The following PPP3CC variants were observed in gnomAD, a reference collection of about 807,000 sequenced individuals.
The protein encoded by PPP3CC is serine/threonine-protein phosphatase 2B catalytic subunit gamma isoform.
Under a neutral mutation model 60.3 loss-of-function variants are expected in PPP3CC, and 35 were observed. The observed-to-expected ratio is 0.58, with a 90% CI of 0.44 to 0.77. The LOEUF (loss-of-function observed/expected upper bound fraction) is 0.77, where lower values mean the gene tolerates loss of function less well. Ranked by LOEUF, PPP3CC falls within the 30% of genes least tolerant of loss-of-function variation. The pLI is 0.00. For missense variants in PPP3CC, 570 were observed against 628.9 expected, an observed-to-expected ratio of 0.91 and a Z score of 1.00; for synonymous variants, 206 against 224.3, an observed-to-expected ratio of 0.92 and a Z score of 0.73.
intron 3 of PPP3CC, among the ~76,000 whole-genome samples, chr8:22,477,396 G>A (rs905728707): frequency 2.6e-5 from 4 of 151,708 alleles, no homozygotes; most frequent in African/African-American, 9.7e-5. Context: ...ATAATCACTT[G>A]AACCTGGGAG....
chr8:22,491,685 A>G (rs778748162), intron 3 of PPP3CC, among the ~76,000 whole-genome samples: 3 of 152,186 alleles, frequency 2.0e-5, no homozygotes, highest in Admixed American at 6.5e-5. Flanking sequence ...TAAAATAATG[A>G]AGTAGTATGT....
At chr8:22,476,508 A>T (rs948446070) in intron 3 of PPP3CC, among the ~76,000 whole-genome samples, 2 of 152,174 alleles carry the variant, frequency 1.3e-5, no homozygotes, top group African/African-American at 4.8e-5. Context: ...TCACTCCTAA[A>T]TGCAAGTCAG....
At chr8:22,512,472 T>G (rs2117094060) in intron 5 of PPP3CC, among the ~76,000 whole-genome samples, 1 of 152,194 alleles carries the variant, frequency 6.6e-6, no homozygotes, top group East Asian at 1.9e-4. Flanking sequence ...TAATAACTCA[T>G]ATTGAAATAC....
Position 22,522,482 on chromosome 8 carries a change from C to A in PPP3CC, c.771-9C>A, listed in dbSNP as rs372228304. On this transcript the variant is annotated splice_polypyrimidine_tract_variant and intron_variant, in intron 6 of 13. Coordinates refer to ENST00000240139, the MANE Select transcript of PPP3CC (RefSeq NM_005605.5). ...TTCTGGATTTATGTTTTCTAATTTT[C>A]TTTTCCAGTTACCCTGCAGTTTGTG... The A allele has an allele frequency of 1.3e-6, 2 of 1,589,156 alleles. No homozygotes were observed. The highest frequency in any genetic ancestry group is 8.6e-7 in the Non-Finnish European group (1 of 1,167,844).
intron 3 of PPP3CC, chr8:22,492,609 C>G: frequency 1.8e-6 from 1 of 560,978 alleles, no homozygotes; most frequent in South Asian, 1.9e-5. Flanking sequence ...CTTATCTGCT[C>G]TGAGAAGATG....
At chr8:22,511,376 G>A (rs1839082959) in intron 5 of PPP3CC, 145 bp downstream of exon 5, 4 of 852,388 alleles carry the variant, frequency 4.7e-6, no homozygotes, top group East Asian at 5.5e-5. Flanking sequence ...TGCAACCTCC[G>A]CCTCCCTGGT....
intron 3 of PPP3CC, among the ~76,000 whole-genome samples, chr8:22,496,584 G>T (rs574731797): frequency 1.9e-3 from 252 of 132,596 alleles, no homozygotes; most frequent in African/African-American, 7.0e-3. Flanking sequence ...TGCAACCTCT[G>T]CCTCCCAGGT....
intron 3 of PPP3CC, chr8:22,492,859 A>G: frequency 1.9e-6 from 2 of 1,040,986 alleles, no homozygotes; most frequent in Non-Finnish European, 3.0e-6. Flanking sequence ...ATGCCAGCAA[A>G]CTCTTTCACC....
At position 22,513,371 on chromosome 8, in the gene PPP3CC, A is replaced by G; in HGVS notation, c.709A>G (p.Asn237Asp). The G allele has an allele frequency of 6.2e-7, 1 of 1,613,984 alleles. No individual in the cohort carries two copies. The highest frequency in any genetic ancestry group is 8.5e-7 in the Non-Finnish European group (1 of 1,179,926). The stretch of plus-strand genomic sequence containing the variant: ...GTCTGATCCCTCAGAGGATTATGGC[A>G]ATGAGAAGACCTTGGAGCACTATAC... ...LWSDPSEDYG[N>D]EKTLEHYTHN... The change falls in exon 6 of 14, where the codon AAT (asparagine) becomes GAT (aspartate). Residue 237 changes from asparagine to aspartate, a missense_variant. Asn to Asp is a conservative substitution (Grantham distance 23, BLOSUM62 1). Coordinates refer to ENST00000240139, the MANE Select transcript of PPP3CC (RefSeq NM_005605.5).
At chr8:22,443,444 C>T (rs778062270) in intron 1 of PPP3CC, among the ~76,000 whole-genome samples, 3 of 151,304 alleles carry the variant, frequency 2.0e-5, no homozygotes, top group Admixed American at 6.6e-5. Flanking sequence ...TTGCTTGAAC[C>T]CGGGAGGCGG....
At chr8:22,479,430 A>G (rs927666503) in intron 3 of PPP3CC, among the ~76,000 whole-genome samples, 3 of 152,054 alleles carry the variant, frequency 2.0e-5, no homozygotes, top group African/African-American at 7.2e-5. Flanking sequence ...TTTTCCACTC[A>G]AGATTGTATG....
chr8:22,448,350 T>C (rs1462002422), intron 1 of PPP3CC, among the ~76,000 whole-genome samples: 1 of 151,648 alleles, frequency 6.6e-6, no homozygotes, highest in Non-Finnish European at 1.5e-5. Flanking sequence ...GAATATGGTG[T>C]ATATATTAGA....
intron 1 of PPP3CC, among the ~76,000 whole-genome samples, chr8:22,469,318 A>G (rs531826488): frequency 6.6e-6 from 1 of 152,270 alleles, no homozygotes; most frequent in Non-Finnish European, 1.5e-5. Context: ...TGGAAAATAG[A>G]TAAGAGAGAC....
At chr8:22,538,735 C>G (rs1010241280) in intron 12 of PPP3CC, among the ~76,000 whole-genome samples, 1 of 152,156 alleles carries the variant, frequency 6.6e-6, no homozygotes, top group Non-Finnish European at 1.5e-5. Flanking sequence ...TTTTCCATTG[C>G]TAAGAAAGAA....
chr8:22,465,921 T>G (rs917425715), intron 1 of PPP3CC, among the ~76,000 whole-genome samples: 3 of 152,084 alleles, frequency 2.0e-5, no homozygotes, highest in African/African-American at 4.8e-5. Flanking sequence ...ATGTGCCATG[T>G]TGGTTTGCTG....
At chr8:22,505,260 C>A (rs964526455) in intron 4 of PPP3CC, among the ~76,000 whole-genome samples, 1 of 151,888 alleles carries the variant, frequency 6.6e-6, no homozygotes, top group African/African-American at 2.4e-5. Context: ...CTCCTGACCT[C>A]GTGATCCACC....
intron 1 of PPP3CC, among the ~76,000 whole-genome samples, chr8:22,450,798 TTTTTATTTA>T (rs1836991913): frequency 1.4e-5 from 2 of 141,258 alleles, no homozygotes. Flanking sequence ...ACCTACTTTA[TTTTTATTTA>T]TTTATTTATT....
chr8:22,484,920 G>A (rs537201428), intron 3 of PPP3CC, among the ~76,000 whole-genome samples: 1 of 152,298 alleles, frequency 6.6e-6, no homozygotes, highest in South Asian at 2.1e-4. Flanking sequence ...AGAGAGGAAA[G>A]TGATTCAGCT....
At position 22,540,821 on chromosome 8, in the gene PPP3CC, C is replaced by A. The variant is rs1839943313; in HGVS notation, c.*19C>A. The A allele has an allele frequency of 6.4e-7, 1 of 1,561,250 alleles. No homozygotes were observed. The highest frequency in any genetic ancestry group is 1.2e-5 in the South Asian group (1 of 83,846). On this transcript the variant is annotated 3_prime_UTR_variant, in exon 14 of 14. Coordinates refer to ENST00000240139, the MANE Select transcript of PPP3CC (RefSeq NM_005605.5). ...TTCATGACTTAGAGTCCTGCCGTGG[C>A]TCAGGTGGATCTAAAACTCAAGAAC... is the stretch of plus-strand genomic sequence containing the variant.
Sources: allele counts gnomAD v4.1 joint callset (sites outside exome capture counted in the v4.1 genomes callset), GRCh38; gene constraint gnomAD v4.1.1; transcripts MANE v1.5; gene names NCBI Gene and HGNC (gene_info 2026-07-23, HGNC 2026-07-21).